Variants in ATAD1 observed in about 807,000 individuals in gnomAD.
The protein encoded by ATAD1 is outer mitochondrial transmembrane helix translocase.
Under a neutral mutation model 42.7 loss-of-function variants are expected in ATAD1, and 18 were observed. The observed-to-expected ratio is 0.42, with a 90% confidence interval of 0.29 to 0.63. The LOEUF is 0.63. Among genes scored for constraint, ATAD1 ranks in the 20% least tolerant of loss-of-function variants. ATAD1 has a pLI of 0.19. For synonymous variants in ATAD1, 132 were observed against 143.1 expected (o/e 0.92, Z 0.55); for missense variants, 294 against 440.4 (o/e 0.67, Z 2.98).
intron 1 of ATAD1, chr10:87,832,174 C>G (rs1446560962): frequency 6.8e-6 from 1 of 146,402 alleles, no homozygotes; most frequent in Admixed American, 7.3e-5. Context: ...CTCAAGTGAT[C>G]CTCCTGCTTC....
intron 4 of ATAD1, among the ~76,000 whole-genome samples, chr10:87,788,178 T>C (rs1013898822): frequency 2.0e-5 from 3 of 152,250 alleles, no homozygotes; most frequent in South Asian, 2.1e-4. Flanking sequence ...TATGACCTCA[T>C]GCACTGCATG....
At chr10:87,824,742 A>C (rs992881863) in intron 1 of ATAD1, among the ~76,000 whole-genome samples, 2 of 152,130 alleles carry the variant, frequency 1.3e-5, no homozygotes, top group Admixed American at 6.5e-5. Context: ...CAACCATGGC[A>C]TCTTGTCTGA....
intron 4 of ATAD1, among the ~76,000 whole-genome samples, chr10:87,789,657 A>G (rs1482942395): frequency 6.6e-6 from 1 of 152,116 alleles, no homozygotes; most frequent in Non-Finnish European, 1.5e-5. Context: ...GGGAGGCGGA[A>G]GTTGCAGTGA....
intron 2 of ATAD1, among the ~76,000 whole-genome samples, chr10:87,795,414 C>T (rs1856335054): frequency 6.7e-6 from 1 of 149,196 alleles, no homozygotes; most frequent in Non-Finnish European, 1.5e-5. Context: ...TGCATACTTT[C>T]TTGTTTACAG....
chr10:87,820,035 A>G (rs1463901022), upstream of ATAD1, among the ~76,000 whole-genome samples: 1 of 152,244 alleles, frequency 6.6e-6, no homozygotes, highest in East Asian at 1.9e-4. Context: ...GACTATTTAG[A>G]GAGATAGACC....
At chr10:87,801,229 A>T (rs1856676398) in intron 2 of ATAD1, among the ~76,000 whole-genome samples, 1 of 152,172 alleles carries the variant, frequency 6.6e-6, no homozygotes. Context: ...CTGAGTTATC[A>T]CTTTGGTGAA....
intron 2 of ATAD1, among the ~76,000 whole-genome samples, chr10:87,798,280 GAA>G (rs902937993): frequency 1.3e-5 from 2 of 152,088 alleles, no homozygotes; most frequent in African/African-American, 4.8e-5. Context: ...CTCCTTTTAA[GAA>G]AAAGTGGGAA....
chr10:87,791,030 CAA>C (rs34722647), intron 3 of ATAD1, among the ~76,000 whole-genome samples: 25,074 of 65,764 alleles, frequency 0.38, 2,429 homozygotes, highest in Non-Finnish European at 0.41. Flanking sequence ...ACTAAAATTA[CAA>C]AAAAAAAAAA....
At chr10:87,818,348 C>T, upstream of ATAD1, 2 of 744,664 alleles carry the variant, frequency 2.7e-6, no homozygotes, top group Non-Finnish European at 3.3e-6. Context: ...TGAGGGAGAG[C>T]AAATTCGCGC....
intron 2 of ATAD1, among the ~76,000 whole-genome samples, chr10:87,799,878 G>A (rs1856599372): frequency 6.6e-6 from 1 of 151,396 alleles, no homozygotes; most frequent in Admixed American, 6.6e-5. Context: ...AAGGTAAAAG[G>A]AACCAGGAAG....
intron 6 of ATAD1, 23 bp from the exon 7 acceptor site, chr10:87,771,064 A>ATCT (rs1324775032): frequency 1.3e-6 from 2 of 1,583,412 alleles, no homozygotes; most frequent in African/African-American, 2.7e-5. Context: ...AGAAGACAGA[A>ATCT]GGTATTAAAT....
intron 4 of ATAD1, 56 bp from the exon 5 acceptor site, chr10:87,784,726 T>A (rs1855745074): frequency 6.7e-7 from 1 of 1,486,994 alleles, no homozygotes; most frequent in South Asian, 1.2e-5. Flanking sequence ...TCAATTTATA[T>A]GATAATCAAT....
intron 9 of ATAD1, among the ~76,000 whole-genome samples, chr10:87,756,462 C>T (rs540208083): frequency 5.6e-4 from 86 of 152,238 alleles, no homozygotes; most frequent in Non-Finnish European, 1.0e-3. Context: ...AATACATTTT[C>T]GTTAACAAAT....
At chr10:87,807,345 A>G (rs1339281810) in intron 2 of ATAD1, among the ~76,000 whole-genome samples, 1 of 152,120 alleles carries the variant, frequency 6.6e-6, no homozygotes. Context: ...GACTATGCAC[A>G]TTTTCAACTT....
At chr10:87,774,995 C>T (rs1021552481) in intron 6 of ATAD1, among the ~76,000 whole-genome samples, 2 of 152,100 alleles carry the variant, frequency 1.3e-5, no homozygotes, top group East Asian at 1.9e-4. Flanking sequence ...TAAGGTCCTA[C>T]ATATATCCAA....
chr10:87,807,346 T>G (rs1337269221), intron 2 of ATAD1, among the ~76,000 whole-genome samples: 1 of 152,134 alleles, frequency 6.6e-6, no homozygotes, highest in Non-Finnish European at 1.5e-5. Context: ...ACTATGCACA[T>G]TTTCAACTTT....
intron 6 of ATAD1, among the ~76,000 whole-genome samples, chr10:87,773,371 CTCTATT>C (rs753138310): frequency 6.6e-5 from 10 of 152,120 alleles, no homozygotes; most frequent in Non-Finnish European, 1.2e-4. Context: ...TTGAGCCGTT[CTCTATT>C]TCTATTTCCT....
At chr10:87,774,397 C>T (rs1855192514) in intron 6 of ATAD1, among the ~76,000 whole-genome samples, 1 of 152,138 alleles carries the variant, frequency 6.6e-6, no homozygotes, top group Non-Finnish European at 1.5e-5. Flanking sequence ...GCCAAGGCTA[C>T]ACAGCTTGTT....
intron 2 of ATAD1, among the ~76,000 whole-genome samples, chr10:87,806,362 G>T (rs1856924783): frequency 6.6e-6 from 1 of 151,566 alleles, no homozygotes; most frequent in Non-Finnish European, 1.5e-5. Flanking sequence ...GAGGTATAAA[G>T]AAACACAATA....
Sources: allele counts gnomAD v4.1 joint callset (sites outside exome capture counted in the v4.1 genomes callset), GRCh38; gene constraint gnomAD v4.1.1; transcripts MANE v1.5; gene names NCBI Gene and HGNC (gene_info 2026-07-23, HGNC 2026-07-21).